Variants in ZNG1E observed in about 807,000 individuals in gnomAD.
ZNG1E encodes zinc-regulated GTPase metalloprotein activator 1E.
the ZNG1E span, among the ~76,000 whole-genome samples, chr9:65,689,960 C>G: frequency 7.9e-6 from 1 of 126,502 alleles, no homozygotes; most frequent in East Asian, 2.2e-4. Flanking sequence ...TTGATTCAGC[C>G]CCTGTTACTC....
the ZNG1E span, among the ~76,000 whole-genome samples, chr9:65,709,621 C>T: frequency 3.7e-5 from 5 of 134,140 alleles, no homozygotes; most frequent in East Asian, 4.3e-4. Flanking sequence ...TTTGTTCTTG[C>T]GATAGTTTAC....
At chr9:65,681,201 T>A in the ZNG1E span, among the ~76,000 whole-genome samples, 3 of 152,188 alleles carry the variant, frequency 2.0e-5, no homozygotes, top group Admixed American at 2.0e-4. Flanking sequence ...TAAGGCAGTC[T>A]CTTAAGAGGT....
At chr9:65,663,131 A>G in the ZNG1E span, among the ~76,000 whole-genome samples, 2 of 152,272 alleles carry the variant, frequency 1.3e-5, no homozygotes, top group African/African-American at 2.4e-5. Context: ...TGTTTCTGTT[A>G]TATTATATTG....
At chr9:65,684,810 G>A in the ZNG1E span, among the ~76,000 whole-genome samples, 1 of 152,210 alleles carries the variant, frequency 6.6e-6, no homozygotes, top group African/African-American at 2.4e-5. Context: ...GGGATATTGT[G>A]GGCTTAGTTC....
At chr9:65,674,235 G>A in the ZNG1E span, among the ~76,000 whole-genome samples, 2 of 151,846 alleles carry the variant, frequency 1.3e-5, no homozygotes, top group South Asian at 2.1e-4. Context: ...CTCAGACCGA[G>A]TGTATGTGTG....
chr9:65,681,637 A>T, the ZNG1E span: 1 of 1,590,262 alleles, frequency 6.3e-7, no homozygotes, highest in Non-Finnish European at 8.6e-7. Flanking sequence ...GAGTGGCTGG[A>T]ACTTAGAAAC....
the ZNG1E span, among the ~76,000 whole-genome samples, chr9:65,673,620 G>A: frequency 1.3e-5 from 2 of 152,240 alleles, no homozygotes; most frequent in Middle Eastern, 3.2e-3. Flanking sequence ...GGACAACATA[G>A]TGAGACCCTG....
At chr9:65,719,471 G>C in the ZNG1E span, 58 of 128,982 alleles carry the variant, frequency 4.5e-4, no homozygotes, top group Middle Eastern at 3.5e-3. Context: ...TGATCTTCTT[G>C]TGCTTTTCAT....
chr9:65,687,259 T>C, the ZNG1E span, among the ~76,000 whole-genome samples: 4 of 141,762 alleles, frequency 2.8e-5, no homozygotes, highest in Admixed American at 1.5e-4. Context: ...TCTGTCATAA[T>C]TCTTTTAGTT....
the ZNG1E span, among the ~76,000 whole-genome samples, chr9:65,675,325 T>C: frequency 1.1e-4 from 16 of 152,012 alleles, no homozygotes; most frequent in East Asian, 3.1e-3. Context: ...ATTAATGAAC[T>C]TAGATTACCT....
At chr9:65,666,924 G>A in the ZNG1E span, among the ~76,000 whole-genome samples, 4 of 152,330 alleles carry the variant, frequency 2.6e-5, no homozygotes, top group East Asian at 3.9e-4. Context: ...AGGTTCAAGC[G>A]ATTCTCCTGC....
chr9:65,716,765 T>TG, the ZNG1E span, among the ~76,000 whole-genome samples: 1 of 147,700 alleles, frequency 6.8e-6, no homozygotes. Flanking sequence ...GTTTGGAAAC[T>TG]GAAGCTCAGA....
At chr9:65,710,369 T>A in the ZNG1E span, among the ~76,000 whole-genome samples, 1 of 148,988 alleles carries the variant, frequency 6.7e-6, no homozygotes, top group Non-Finnish European at 1.5e-5. Context: ...TTAGATCCCA[T>A]CTGTCAATTT....
the ZNG1E span, among the ~76,000 whole-genome samples, chr9:65,722,448 A>G: frequency 2.5e-5 from 2 of 78,824 alleles, no homozygotes; most frequent in South Asian, 4.9e-4. Flanking sequence ...TGGTTTATTT[A>G]TTTGCATACA....
the ZNG1E span, among the ~76,000 whole-genome samples, chr9:65,668,095 A>G: frequency 6.7e-6 from 1 of 148,546 alleles, no homozygotes; most frequent in East Asian, 2.0e-4. Flanking sequence ...TCCAGAACAA[A>G]GCCTATGTAT....
At chr9:65,716,620 C>A in the ZNG1E span, among the ~76,000 whole-genome samples, 888 of 148,826 alleles carry the variant, frequency 6.0e-3, 1 homozygote, top group African/African-American at 0.021. Flanking sequence ...TATTGGACCC[C>A]TTTTACTTTA....
the ZNG1E span, among the ~76,000 whole-genome samples, chr9:65,671,675 G>T: frequency 6.6e-6 from 1 of 152,122 alleles, no homozygotes; most frequent in African/African-American, 2.4e-5. Context: ...TTCTGTAAGG[G>T]ATAGAGCAGA....
the ZNG1E span, among the ~76,000 whole-genome samples, chr9:65,687,953 A>G: frequency 2.0e-5 from 3 of 151,112 alleles, no homozygotes; most frequent in South Asian, 6.3e-4. Flanking sequence ...GTTTATTACC[A>G]TGAATACTTT....
At chr9:65,688,214 AATT>A in the ZNG1E span, among the ~76,000 whole-genome samples, 6 of 134,970 alleles carry the variant, frequency 4.4e-5, no homozygotes, top group Non-Finnish European at 6.2e-5. Context: ...TCAATAATTA[AATT>A]ATTAATAATT....
Sources: gnomAD v4.1 joint callset for allele counts (sites outside exome capture counted in the v4.1 genomes callset) on GRCh38, gnomAD v4.1.1 for gene constraint, MANE v1.5 for transcripts, NCBI Gene and HGNC (gene_info 2026-07-23, HGNC 2026-07-21) for gene names.